DENND4A: variants seen among roughly 807,000 people sequenced by gnomAD.
The protein encoded by DENND4A is DENN domain containing 4A.
In DENND4A, 70 loss-of-function variants were observed where a neutral mutation model predicts 199.3. That is an observed-to-expected ratio of 0.35 (90% CI 0.29 to 0.43). DENND4A has a LOEUF of 0.43. DENND4A is among the 20% of genes least tolerant of loss of function. The probability of loss-of-function intolerance (pLI) is 1.00; values close to 1 mark genes in which losing one functional copy is unlikely to be tolerated. For missense variants in DENND4A, 1,723 were observed against 2,255.8 expected (o/e 0.76, Z 4.78); for synonymous variants, 686 against 766.9 (o/e 0.89, Z 1.74).
At position 65,661,892 on chromosome 15, in the gene DENND4A, C is replaced by T. The variant is rs1313614410; in HGVS notation, c.5683G>A (p.Val1895Met). The change falls in exon 33 of 33, where the codon GTG (valine) becomes ATG (methionine). Residue 1895 changes from valine to methionine, a missense_variant. Physicochemically the swap from Val to Met is conservative, Grantham distance 21 (BLOSUM62 1). Around this residue, in one of 6 missense-constraint regions of DENND4A, gnomAD observed 164 missense variants for 280.1 expected, o/e 0.59. Coordinates refer to ENST00000443035, the MANE Select transcript of DENND4A (RefSeq NM_001320835.1). Reference sequence around the variant, plus strand: ...CCAAAGGTTTTTCGACATTCCATCACCCCTGTACTTGGTGGTCTATCACAG... The same window carrying T: ...CCAAAGGTTTTTCGACATTCCATCATCCCTGTACTTGGTGGTCTATCACAG... The part of the protein sequence containing the change: ...HNCDRPPSTG[V>M]MECRKTFGEP... 1.2e-6 allele frequency: 2 copies of T among 1,612,382 alleles called. No homozygotes were observed. The highest frequency in any genetic ancestry group is 2.7e-5 in the African/African-American group (2 of 74,924).
intron 10 of DENND4A, 64 bp from the exon 11 acceptor site, chr15:65,729,311 C>A (rs752631256): frequency 8.0e-6 from 12 of 1,507,728 alleles, no homozygotes; most frequent in Non-Finnish European, 1.1e-5. Context: ...TTTATCAGCA[C>A]ACACAAAAAA....
At chr15:65,701,731 T>C (rs1392755396) in intron 18 of DENND4A, 31 bp downstream of exon 18, 2 of 1,598,774 alleles carry the variant, frequency 1.3e-6, no homozygotes, top group African/African-American at 2.7e-5. Context: ...ACAAAAGTAA[T>C]ACTCTTTATC....
chr15:65,746,408 A>T (rs2076398227), intron 4 of DENND4A, among the ~76,000 whole-genome samples: 1 of 55,942 alleles, frequency 1.8e-5, no homozygotes, highest in East Asian at 4.4e-4. Flanking sequence ...TTTTTTTGAG[A>T]CGGAGTCTCG....
rs2076159369 is a variant in DENND4A, at chr15:65,737,948, G to A, written c.802-3C>T. 6.4e-7 allele frequency: 1 copy of A among 1,570,792 alleles called. No individual in the cohort carries two copies. The highest frequency in any genetic ancestry group is 1.4e-5 in the African/African-American group (1 of 73,980). ...AACTGAATAGCAGCACCATAAACCT[G>A]CAAAACAAGTAATATATCCAGTAAA... On this transcript the variant is annotated splice_region_variant and splice_polypyrimidine_tract_variant and intron_variant, in intron 6 of 32. Transcript: ENST00000443035.
At chr15:65,667,826 T>C (rs1407345832) in intron 28 of DENND4A, 99 bp downstream of exon 28, 3 of 1,492,530 alleles carry the variant, frequency 2.0e-6, no homozygotes, top group African/African-American at 2.8e-5. Context: ...GAGACTCTTC[T>C]TGGCAATAAT....
intron 1 of DENND4A, among the ~76,000 whole-genome samples, chr15:65,779,785 G>A (rs1416713382): frequency 6.6e-6 from 1 of 152,196 alleles, no homozygotes; most frequent in Non-Finnish European, 1.5e-5. Flanking sequence ...AAGTAGCTGG[G>A]ATTACAGGCA....
chr15:65,686,700 ACTC>A (rs1051626209), intron 23 of DENND4A, among the ~76,000 whole-genome samples: 1 of 151,688 alleles, frequency 6.6e-6, no homozygotes, highest in African/African-American at 2.4e-5. Context: ...ATAACATCCA[ACTC>A]CTCATTATTA....
intron 11 of DENND4A, among the ~76,000 whole-genome samples, chr15:65,727,986 G>T (rs1226935401): frequency 6.6e-6 from 1 of 151,770 alleles, no homozygotes; most frequent in Non-Finnish European, 1.5e-5. Flanking sequence ...ATTTTACTAT[G>T]ATGAGTTTTT....
At chr15:65,787,209 A>G (rs1197966257) in intron 1 of DENND4A, among the ~76,000 whole-genome samples, 3 of 152,200 alleles carry the variant, frequency 2.0e-5, no homozygotes, top group Non-Finnish European at 4.4e-5. Context: ...TCTGATCTTC[A>G]TATTTCAGCT....
At chr15:65,782,247 C>A (rs1596701066) in intron 1 of DENND4A, among the ~76,000 whole-genome samples, 1 of 152,156 alleles carries the variant, frequency 6.6e-6, no homozygotes, top group African/African-American at 2.4e-5. Flanking sequence ...TCTCAAACAT[C>A]CCAGGACCCT....
chr15:65,753,336 AT>A (rs1290602505), intron 3 of DENND4A, among the ~76,000 whole-genome samples: 1 of 152,188 alleles, frequency 6.6e-6, no homozygotes, highest in Non-Finnish European at 1.5e-5. Context: ...TAGTAAAAAA[AT>A]AAAAATAAAA....
chr15:65,672,767 C>T (rs1028604855), intron 24 of DENND4A, among the ~76,000 whole-genome samples: 2 of 152,118 alleles, frequency 1.3e-5, no homozygotes, highest in Admixed American at 1.3e-4. Flanking sequence ...CAGTTGTCGA[C>T]AGTGATTGTA....
intron 32 of DENND4A, among the ~76,000 whole-genome samples, chr15:65,663,192 A>ATTTTTTTTTTTTT (rs1233417060): frequency 8.2e-6 from 1 of 122,076 alleles, no homozygotes; most frequent in African/African-American, 3.6e-5. Context: ...ATATATATAT[A>ATTTTTTTTTTTTT]TATATATTTT....
At chr15:65,666,504 T>C (rs1336929334) in intron 29 of DENND4A, among the ~76,000 whole-genome samples, 1 of 152,156 alleles carries the variant, frequency 6.6e-6, no homozygotes, top group East Asian at 1.9e-4. Context: ...TTATGAAGTG[T>C]TTCTTTCTGG....
intron 20 of DENND4A, among the ~76,000 whole-genome samples, chr15:65,700,042 T>C (rs4351999): frequency 0.57 from 86,873 of 151,614 alleles, 27,845 homozygotes; most frequent in African/African-American, 0.87. Flanking sequence ...ACTTAAGATT[T>C]AGAAGTTGCA....
Position 65,749,811 on chromosome 15 carries a change from T to C in DENND4A, c.561+2568A>G, listed in dbSNP as rs181665015. Among the ~76,000 whole-genome samples the C allele has an allele frequency of 2.0e-5, 3 of 152,294 alleles. No homozygotes were observed. In the East Asian group the frequency reaches 5.8e-4, roughly 29 times the overall value. ...AAATAGCATTCTCATAAACTATGCC[T>C]GCTGGGAGTAAAAACTGCCACAGCG... On this transcript the variant is annotated intron_variant, in intron 4 of 32. Coordinates refer to ENST00000443035, the MANE Select transcript of DENND4A (RefSeq NM_001320835.1).
rs567407837 is a variant in DENND4A, at chr15:65,717,782, T to C, written c.1803A>G (p.Leu601=). The change falls in exon 13 of 33, where the codon CTA becomes CTG. Residue 601 remains leucine (L), a synonymous_variant. Transcript: ENST00000443035. Reference sequence around the variant, plus strand: ...TAAAACTATGCAGTCACTCACCTTGTAGGGCAAAGAGAGAGGCTGCATCTG... The same window carrying C: ...TAAAACTATGCAGTCACTCACCTTGCAGGGCAAAGAGAGAGGCTGCATCTG... ...TATDAASLFA[L]QAFLRSRDRS... 2.5e-6 allele frequency: 4 copies of C among 1,597,502 alleles called. No homozygotes were observed. Among genetic ancestry groups the C allele is most frequent in the African/African-American group, 1.3e-5 (1 of 74,460 alleles).
At chr15:65,662,439 A>C (rs2075878101) in intron 32 of DENND4A, among the ~76,000 whole-genome samples, 1 of 152,198 alleles carries the variant, frequency 6.6e-6, no homozygotes, top group Non-Finnish European at 1.5e-5. Context: ...ACCTCTGGGA[A>C]AATAATCCAA....
intron 14 of DENND4A, among the ~76,000 whole-genome samples, chr15:65,710,269 T>C (rs1490401868): frequency 1.3e-5 from 2 of 152,168 alleles, no homozygotes; most frequent in Admixed American, 1.3e-4. Flanking sequence ...ATACATAAAA[T>C]AGGCCAAAAA....
Sources: allele counts gnomAD v4.1 joint callset (sites outside exome capture counted in the v4.1 genomes callset), GRCh38; gene constraint gnomAD v4.1.1; regional missense constraint gnomAD v4.1.1; transcripts MANE v1.5; gene names NCBI Gene and HGNC (gene_info 2026-07-23, HGNC 2026-07-21).